The following CCDC149 variants were observed in gnomAD, a reference collection of about 807,000 sequenced individuals.
The protein encoded by CCDC149 is coiled-coil domain-containing protein 149.
Under a neutral mutation model 59.9 loss-of-function variants are expected in CCDC149, and 45 were observed. The observed-to-expected ratio is 0.75, with a 90% confidence interval of 0.59 to 0.96. CCDC149 has a LOEUF of 0.96. CCDC149 is among the 40% of genes least tolerant of loss of function. CCDC149 has a pLI of 0.00. For missense variants in CCDC149, 584 were observed against 664.7 expected (o/e 0.88, Z 1.33); for synonymous variants, 245 against 260.6 (o/e 0.94, Z 0.58).
chr4:24,881,628 G>A (rs1325593115), intron 1 of CCDC149, among the ~76,000 whole-genome samples: 1 of 152,196 alleles, frequency 6.6e-6, no homozygotes, highest in Non-Finnish European at 1.5e-5. Flanking sequence ...GACTCATATG[G>A]TCTGCATCAA....
chr4:24,848,814 C>T (rs1424165068), intron 4 of CCDC149, among the ~76,000 whole-genome samples: 4 of 152,160 alleles, frequency 2.6e-5, no homozygotes, highest in African/African-American at 9.7e-5. Flanking sequence ...AGTTTTGCTG[C>T]CGCACCTCAA....
chr4:24,946,139 T>C (rs1723104614), intron 1 of CCDC149, among the ~76,000 whole-genome samples: 1 of 152,186 alleles, frequency 6.6e-6, no homozygotes, highest in African/African-American at 2.4e-5. Context: ...TCTGGGACTT[T>C]AGGTTGTTAG....
At position 24,876,592 on chromosome 4, in the gene CCDC149, C is replaced by A; in HGVS notation, c.169G>T (p.Ala57Ser). ...TGGTGGCGCTCCCGGAGCTGATTGG[C>A]CATGAGTTTGTACTGGTCCCTTTCC... is the stretch of plus-strand genomic sequence containing the variant. The change falls in exon 2 of 13, where the codon GCC becomes TCC. Residue 57 changes from alanine to serine, a missense_variant. By Grantham distance (99) the Ala-to-Ser change is moderately conservative. Transcript: ENST00000635206. 6.2e-7 allele frequency: 1 copy of A among 1,614,116 alleles called. No homozygotes were observed. The highest frequency in any genetic ancestry group is 8.5e-7 in the Non-Finnish European group (1 of 1,179,990).
At chr4:24,850,068 T>C (rs548381884) in intron 4 of CCDC149, among the ~76,000 whole-genome samples, 30 of 152,324 alleles carry the variant, frequency 2.0e-4, no homozygotes, top group African/African-American at 7.2e-4. Flanking sequence ...CTAAACTACT[T>C]CTTACTCCAC....
At chr4:24,821,195 C>T in intron 10 of CCDC149, 108 bp from the exon 11 acceptor site, 3 of 465,910 alleles carry the variant, frequency 6.4e-6, no homozygotes, top group Non-Finnish European at 1.0e-5. Flanking sequence ...CATTTGTTCA[C>T]TCGAGTAACT....
chr4:24,939,091 G>A (rs1327672335), intron 1 of CCDC149, among the ~76,000 whole-genome samples: 2 of 152,222 alleles, frequency 1.3e-5, no homozygotes, highest in African/African-American at 4.8e-5. Flanking sequence ...CGGGCAGACT[G>A]CCTCCTCAAG....
chr4:24,908,484 C>T (rs1721669628), intron 1 of CCDC149, among the ~76,000 whole-genome samples: 1 of 148,004 alleles, frequency 6.8e-6, no homozygotes, highest in Non-Finnish European at 1.5e-5. Context: ...TCCTTGAAGC[C>T]AGGAGCTCAA....
At chr4:24,882,186 G>A (rs1719881416) in intron 1 of CCDC149, among the ~76,000 whole-genome samples, 1 of 152,148 alleles carries the variant, frequency 6.6e-6, no homozygotes, top group Non-Finnish European at 1.5e-5. Flanking sequence ...CAGATGCAAA[G>A]CCTGAAGGAA....
intron 12 of CCDC149, among the ~76,000 whole-genome samples, chr4:24,809,732 T>C (rs187267554): frequency 7.2e-5 from 11 of 152,284 alleles, no homozygotes; most frequent in African/African-American, 2.6e-4. Flanking sequence ...CCTGGACACA[T>C]GTCCTGGACC....
chr4:24,972,295 T>TTCTTC (rs1489991185), intron 1 of CCDC149, among the ~76,000 whole-genome samples: 2 of 148,488 alleles, frequency 1.3e-5, no homozygotes, highest in African/African-American at 2.6e-5. Context: ...CCTTTTTCTT[T>TTCTTC]TCTTTTCTTT....
chr4:24,910,862 T>G (rs1308333858), intron 1 of CCDC149, among the ~76,000 whole-genome samples: 1 of 152,148 alleles, frequency 6.6e-6, no homozygotes, highest in Admixed American at 6.5e-5. Flanking sequence ...CTTATGTCAT[T>G]GTGAATATGA....
At chr4:24,853,019 C>T in intron 4 of CCDC149, 53 bp downstream of exon 4, 1 of 1,150,290 alleles carries the variant, frequency 8.7e-7, no homozygotes, top group South Asian at 1.3e-5. Flanking sequence ...ATATATAAAC[C>T]TCGAACGCAC....
At chr4:24,827,400 G>A (rs751255257) in intron 9 of CCDC149, 1 of 152,324 alleles carries the variant, frequency 6.6e-6, no homozygotes, top group Middle Eastern at 3.1e-3. Flanking sequence ...ATTTACCATT[G>A]GCCAGGGAAA....
At chr4:24,978,698 G>A (rs1327769126) in intron 1 of CCDC149, among the ~76,000 whole-genome samples, 1 of 152,020 alleles carries the variant, frequency 6.6e-6, no homozygotes, top group South Asian at 2.1e-4. Flanking sequence ...CCCACCATTC[G>A]CCACCCACCG....
rs546168786 is a variant in CCDC149, at chr4:24,860,807, A to G, written c.265-7628T>C. ...ATAAGAACATGAAGAGACAATTCTC[A>G]AAAGAAGATATATAAATGGCCGACA... On this transcript the variant is annotated intron_variant, in intron 3 of 12. Coordinates refer to ENST00000635206, the MANE Select transcript of CCDC149 (RefSeq NM_001330643.2). Among the ~76,000 whole-genome samples the G allele has an allele frequency of 9.2e-5, 14 of 152,356 alleles. No individual in the cohort carries two copies. The South Asian group carries it at 2.5e-3, about 27-fold the overall frequency.
chr4:24,965,807 C>T lies in CCDC149; in HGVS notation c.-65+14262G>A, dbSNP rs143465825. Among the ~76,000 whole-genome samples, 681 of 152,266 alleles carry T rather than the reference C, an allele frequency of 4.5e-3. 2 individuals are homozygous for T. Among genetic ancestry groups the T allele is most frequent in the African/African-American group, 0.015 (625 of 41,538 alleles). On this transcript the variant is annotated intron_variant, in intron 1 of 12. Transcript: ENST00000389609. ...AGCTGCGCTCTAGTCAGGAGTAGGC[C>T]GAAGCGGCCTTCTGACACAGCATGA...
At chr4:24,886,210 T>C (rs1450107804) in intron 1 of CCDC149, among the ~76,000 whole-genome samples, 7 of 152,214 alleles carry the variant, frequency 4.6e-5, no homozygotes, top group Non-Finnish European at 7.3e-5. Flanking sequence ...CTGGCCCTTA[T>C]AGACTTGGCA....
chr4:24,848,677 T>C (rs1490933703), intron 4 of CCDC149, among the ~76,000 whole-genome samples: 1 of 152,054 alleles, frequency 6.6e-6, no homozygotes, highest in Non-Finnish European at 1.5e-5. Flanking sequence ...ACTGCTTCTT[T>C]TAAGTGAAAA....
chr4:24,867,100 C>A (rs576576760), intron 3 of CCDC149, among the ~76,000 whole-genome samples: 27 of 152,178 alleles, frequency 1.8e-4, no homozygotes, highest in Non-Finnish European at 3.5e-4. Context: ...ATCTAAGCCT[C>A]CTCCATTAAC....
Sources: gnomAD v4.1 joint callset for allele counts (sites outside exome capture counted in the v4.1 genomes callset) on GRCh38, gnomAD v4.1.1 for gene constraint, MANE v1.5 for transcripts, NCBI Gene and HGNC (gene_info 2026-07-23, HGNC 2026-07-21) for gene names.